TG: variants seen among roughly 807,000 people sequenced by gnomAD.
TG encodes thyroid hormones.
Under a neutral mutation model 324.7 loss-of-function variants are expected in TG, and 270 were observed. The ratio of observed to expected loss-of-function variants is 0.83; its 90% CI spans 0.75 to 0.92. The LOEUF (loss-of-function observed/expected upper bound fraction) is 0.92, where lower values mean the gene tolerates loss of function less well. Ranked by LOEUF, TG falls within the 40% of genes least tolerant of loss-of-function variation. The probability of loss-of-function intolerance (pLI) is 0.00; values close to 1 mark genes in which losing one functional copy is unlikely to be tolerated. For missense variants in TG, 3,591 were observed against 3,456.4 expected (o/e 1.04, Z -0.98); for synonymous variants, 1,401 against 1,327.0 (o/e 1.06, Z -1.21).
At chr8:132,934,484 G>A (rs1008197402) in intron 24 of TG, among the ~76,000 whole-genome samples, 4 of 152,206 alleles carry the variant, frequency 2.6e-5, no homozygotes, top group African/African-American at 9.7e-5. Flanking sequence ...ATTAGACCCT[G>A]TCCTCCTCCA....
intron 22 of TG, among the ~76,000 whole-genome samples, chr8:132,928,223 T>A (rs899848570): frequency 2.4e-4 from 37 of 152,368 alleles, no homozygotes; most frequent in Admixed American, 7.2e-4. Flanking sequence ...AAGTCTTTTT[T>A]AATAAAGCAA....
At chr8:133,028,553 T>G (rs967752977) in intron 40 of TG, among the ~76,000 whole-genome samples, 27 of 152,264 alleles carry the variant, frequency 1.8e-4, no homozygotes, top group Non-Finnish European at 2.2e-4. Flanking sequence ...TAGTGCTTTA[T>G]GACAAGCACG....
intron 41 of TG, chr8:133,038,786 A>T (rs747110928): frequency 3.8e-6 from 5 of 1,332,092 alleles, no homozygotes; most frequent in Non-Finnish European, 5.4e-6. Flanking sequence ...AAAGAGAGTC[A>T]TAGAGAGAGG....
At chr8:133,053,146 C>T (rs2131252854) in intron 41 of TG, among the ~76,000 whole-genome samples, 1 of 152,312 alleles carries the variant, frequency 6.6e-6, no homozygotes, top group Non-Finnish European at 1.5e-5. Context: ...CCTTTGTCAA[C>T]TCTAAACTCA....
intron 24 of TG, among the ~76,000 whole-genome samples, chr8:132,935,291 C>T (rs916777563): frequency 6.6e-6 from 1 of 152,040 alleles, no homozygotes; most frequent in African/African-American, 2.4e-5. Context: ...CAGGCAGACG[C>T]CACCACACCC....
intron 41 of TG, among the ~76,000 whole-genome samples, chr8:133,080,476 G>A (rs138696106): frequency 1.1e-4 from 17 of 152,040 alleles, no homozygotes; most frequent in South Asian, 6.2e-4. Flanking sequence ...GTCTTCCCAC[G>A]TCCCACCTCT....
intron 41 of TG, among the ~76,000 whole-genome samples, chr8:133,062,111 A>C (rs1009497684): frequency 1.1e-4 from 16 of 152,208 alleles, no homozygotes; most frequent in Non-Finnish European, 2.2e-4. Context: ...GTGAAGCGCA[A>C]ATCCCATCCT....
intron 41 of TG, 99 bp downstream of exon 41, chr8:133,030,122 G>A (rs1836491024): frequency 1.4e-6 from 2 of 1,447,062 alleles, no homozygotes; most frequent in Admixed American, 1.7e-5. Context: ...AATTGCTTGG[G>A]TTTCCCTTGT....
chr8:133,113,319 C>G, intron 43 of TG, 103 bp from the exon 44 acceptor site: 1 of 1,333,022 alleles, frequency 7.5e-7, no homozygotes, highest in African/African-American at 1.5e-5. Flanking sequence ...TGCCATGCCC[C>G]ACTGCTTCCC....
intron 32 of TG, among the ~76,000 whole-genome samples, chr8:132,971,084 A>G (rs1235449046): frequency 6.6e-6 from 1 of 152,140 alleles, no homozygotes; most frequent in Non-Finnish European, 1.5e-5. Context: ...ACTGGAGCAG[A>G]GTGGTCGGGG....
intron 35 of TG, among the ~76,000 whole-genome samples, chr8:132,987,243 C>T (rs920224512): frequency 2.0e-5 from 3 of 152,098 alleles, no homozygotes; most frequent in Non-Finnish European, 2.9e-5. Flanking sequence ...TTAAAATTCC[C>T]AAATTAGAAC....
At chr8:132,972,780 A>C in intron 34 of TG, 39 bp downstream of exon 34, 1 of 1,613,384 alleles carries the variant, frequency 6.2e-7, no homozygotes. Flanking sequence ...GGACGTCTTT[A>C]GTTAACTATT....
chr8:132,899,773 A>T (rs1563928490), intron 14 of TG, among the ~76,000 whole-genome samples: 1 of 152,162 alleles, frequency 6.6e-6, no homozygotes. Flanking sequence ...GGGAGAAGGG[A>T]TTACAGAGTG....
intron 41 of TG, among the ~76,000 whole-genome samples, chr8:133,093,488 C>T (rs529529711): frequency 5.9e-5 from 9 of 152,286 alleles, no homozygotes; most frequent in African/African-American, 1.9e-4. Flanking sequence ...CAGAAAATCA[C>T]GTGTATCTCC....
chr8:133,075,034 A>T, intron 41 of TG: 1 of 985,418 alleles, frequency 1.0e-6, no homozygotes, highest in Non-Finnish European at 1.2e-6. Flanking sequence ...AACTGGCCGC[A>T]TACTTCCTCT....
chr8:132,881,854 C>T lies in TG; in HGVS notation c.639-9C>T, dbSNP rs748002409. On this transcript the variant is annotated splice_polypyrimidine_tract_variant and intron_variant, in intron 5 of 47. Transcript: ENST00000220616. ...ATGAATGGTGACCGTAAATCTCATT[C>T]TCTCCAAGGTTTCCAGATGCATTTG... 1.3e-6 allele frequency: 2 copies of T among 1,596,430 alleles called. No homozygotes were observed. The highest frequency in any genetic ancestry group is 1.7e-6 in the Non-Finnish European group (2 of 1,163,798).
chr8:132,963,007 G>A lies in TG; in HGVS notation c.5481G>A (p.Gly1827=). Reference sequence around the variant, plus strand: ...TTTTCCTCCTAGATTCTGACATGGGGTCTCGGCCTGAGTCTATGGGATGTA... The same window carrying A: ...TTTTCCTCCTAGATTCTGACATGGGATCTCGGCCTGAGTCTATGGGATGTA... ...QVYLWKDSDM[G]SRPESMGCRK... Residue 1827 remains glycine, a synonymous_variant, in exon 29 of 48, where the codon GGG becomes GGA. Transcript: ENST00000220616. 2 of 1,613,902 alleles carry A rather than the reference G, an allele frequency of 1.2e-6. No homozygotes were observed. The highest frequency in any genetic ancestry group is 1.7e-6 in the Non-Finnish European group (2 of 1,179,882).
chr8:132,957,876 G>A (rs1827161529), intron 27 of TG, among the ~76,000 whole-genome samples: 3 of 151,894 alleles, frequency 2.0e-5, no homozygotes, highest in Admixed American at 2.0e-4. Context: ...TGAGATTTTG[G>A]TGCACCCATC....
At chr8:132,906,004 C>T (rs935946173) in intron 16 of TG, among the ~76,000 whole-genome samples, 4 of 152,094 alleles carry the variant, frequency 2.6e-5, no homozygotes, top group African/African-American at 9.7e-5. Context: ...TCAGCCTGCA[C>T]AGGAGGGAGT....
Sources: gnomAD v4.1 joint callset for allele counts (sites outside exome capture counted in the v4.1 genomes callset) on GRCh38, gnomAD v4.1.1 for gene constraint, MANE v1.5 for transcripts, NCBI Gene and HGNC (gene_info 2026-07-23, HGNC 2026-07-21) for gene names.